ROBO1: variants seen among roughly 807,000 people sequenced by gnomAD.
The protein encoded by ROBO1 is roundabout homolog 1.
Under a neutral mutation model 195.9 loss-of-function variants are expected in ROBO1, and 149 were observed. That is an observed-to-expected ratio of 0.76 (90% CI 0.67 to 0.87). The LOEUF is 0.87. ROBO1 is among the 40% of genes least tolerant of loss of function. The pLI is 0.00. For missense variants in ROBO1, 1,933 were observed against 2,068.3 expected (o/e 0.93, Z 1.27); for synonymous variants, 816 against 733.2 (o/e 1.11, Z -1.82).
At chr3:78,936,284 G>A (rs2039803091) in intron 4 of ROBO1, among the ~76,000 whole-genome samples, 1 of 151,850 alleles carries the variant, frequency 6.6e-6, no homozygotes. Context: ...GTAAAACTTG[G>A]TTTAAAGGCA....
chr3:78,786,286 T>C (rs2083831956), intron 4 of ROBO1, among the ~76,000 whole-genome samples: 2 of 152,166 alleles, frequency 1.3e-5, no homozygotes, highest in African/African-American at 4.8e-5. Context: ...CCAAGTTTAA[T>C]ATGAGCAATA....
At chr3:78,817,508 T>C (rs1157674391) in intron 4 of ROBO1, among the ~76,000 whole-genome samples, 1 of 152,154 alleles carries the variant, frequency 6.6e-6, no homozygotes, top group African/African-American at 2.4e-5. Context: ...CTCTGAGGTA[T>C]ACCTCTATGT....
intron 2 of ROBO1, among the ~76,000 whole-genome samples, chr3:79,572,882 C>G (rs12714482): frequency 0.13 from 19,057 of 152,000 alleles, 1,366 homozygotes; most frequent in African/African-American, 0.18. Context: ...CATGTCTTAC[C>G]TAACCTACAA....
At chr3:79,436,936 G>C (rs987627053) in intron 2 of ROBO1, among the ~76,000 whole-genome samples, 1 of 151,864 alleles carries the variant, frequency 6.6e-6, no homozygotes, top group African/African-American at 2.4e-5. Context: ...TGCATATATA[G>C]GATTCATCTC....
intron 5 of ROBO1, among the ~76,000 whole-genome samples, chr3:78,729,274 C>G (rs1174784068): frequency 1.3e-5 from 2 of 151,820 alleles, no homozygotes; most frequent in African/African-American, 4.9e-5. Flanking sequence ...TGGGAGCCAC[C>G]CTGCAGACAG....
intron 2 of ROBO1, among the ~76,000 whole-genome samples, chr3:79,155,011 A>G (rs1220345647): frequency 6.6e-6 from 1 of 151,792 alleles, no homozygotes; most frequent in Non-Finnish European, 1.5e-5. Flanking sequence ...ATGAAAATAG[A>G]CTTAACTACA....
intron 2 of ROBO1, among the ~76,000 whole-genome samples, chr3:79,476,712 T>G (rs1036208482): frequency 6.6e-6 from 1 of 151,976 alleles, no homozygotes; most frequent in East Asian, 1.9e-4. Flanking sequence ...AGCTAAGTTA[T>G]GAGGATGCAA....
chr3:78,830,278 C>G (rs908415875), intron 4 of ROBO1, among the ~76,000 whole-genome samples: 1 of 152,156 alleles, frequency 6.6e-6, no homozygotes, highest in Admixed American at 6.5e-5. Flanking sequence ...AGAATATTCT[C>G]TCCTGATGTT....
intron 2 of ROBO1, among the ~76,000 whole-genome samples, chr3:79,238,984 A>T (rs1361056622): frequency 3.3e-5 from 5 of 152,174 alleles, no homozygotes; most frequent in Non-Finnish European, 7.3e-5. Context: ...AGTTCATGTC[A>T]CTTGCCTTAA....
intron 8 of ROBO1, among the ~76,000 whole-genome samples, chr3:78,704,190 T>C (rs996739710): frequency 6.6e-6 from 1 of 152,188 alleles, no homozygotes; most frequent in Non-Finnish European, 1.5e-5. Context: ...AATGCACTAT[T>C]ATATTGCCAG....
At chr3:79,535,273 C>T (rs1367468386) in intron 2 of ROBO1, among the ~76,000 whole-genome samples, 1 of 152,028 alleles carries the variant, frequency 6.6e-6, no homozygotes, top group East Asian at 1.9e-4. Flanking sequence ...TTTTATAAGT[C>T]CAAAAAGACA....
intron 2 of ROBO1, among the ~76,000 whole-genome samples, chr3:79,420,526 C>A (rs2038181404): frequency 6.6e-6 from 1 of 152,126 alleles, no homozygotes; most frequent in South Asian, 2.1e-4. Context: ...GTAATGTTTG[C>A]AAAGATGACT....
intron 2 of ROBO1, among the ~76,000 whole-genome samples, chr3:79,296,852 T>A (rs1430733907): frequency 6.6e-6 from 1 of 152,164 alleles, no homozygotes; most frequent in Non-Finnish European, 1.5e-5. Flanking sequence ...CCATCTTTTG[T>A]AGATACTCCA....
chr3:79,500,736 G>A (rs546701469), intron 2 of ROBO1, among the ~76,000 whole-genome samples: 1 of 152,256 alleles, frequency 6.6e-6, no homozygotes, highest in African/African-American at 2.4e-5. Context: ...GAAGCTCTGG[G>A]TGCTTTCCAT....
chr3:78,923,482 T>C (rs2039053075), intron 4 of ROBO1, among the ~76,000 whole-genome samples: 1 of 152,156 alleles, frequency 6.6e-6, no homozygotes, highest in African/African-American at 2.4e-5. Context: ...ACCAGACAGA[T>C]TCCAGAGACT....
At chr3:78,986,149 A>G (rs545691484) in intron 3 of ROBO1, among the ~76,000 whole-genome samples, 3 of 152,266 alleles carry the variant, frequency 2.0e-5, no homozygotes, top group Non-Finnish European at 2.9e-5. Context: ...ATGAGAACCC[A>G]GATGATACAT....
chr3:79,365,805 G>A (rs369202861), intron 2 of ROBO1, among the ~76,000 whole-genome samples: 1 of 151,308 alleles, frequency 6.6e-6, no homozygotes. Flanking sequence ...GCTGAGGCAG[G>A]AGAATGGCGT....
chr3:79,051,838 C>T lies in ROBO1; in HGVS notation c.172+73618G>A, dbSNP rs576171849. On this transcript the variant is annotated intron_variant, in intron 3 of 30. Coordinates refer to ENST00000464233, the MANE Select transcript of ROBO1 (RefSeq NM_002941.4). ...ATAAATTGTGAAGATTTCATGGACACTGATCACTTCCCCAATCAATACTCT... is the reference window on the plus strand; with the variant it reads ...ATAAATTGTGAAGATTTCATGGACATTGATCACTTCCCCAATCAATACTCT... Among the ~76,000 whole-genome samples, 7 of 152,258 alleles carry T rather than the reference C, an allele frequency of 4.6e-5. No individual in the cohort carries two copies. In the East Asian group the frequency reaches 1.4e-3, roughly 30 times the overall value.
At chr3:79,378,016 G>T (rs75195818) in intron 2 of ROBO1, among the ~76,000 whole-genome samples, 5,947 of 151,828 alleles carry the variant, frequency 0.039, 280 homozygotes, top group African/African-American at 0.11. Flanking sequence ...TCAACACCCT[G>T]CCAACCTCTG....
Sources: gnomAD v4.1 joint callset for allele counts (sites outside exome capture counted in the v4.1 genomes callset) on GRCh38, gnomAD v4.1.1 for gene constraint, MANE v1.5 for transcripts, NCBI Gene and HGNC (gene_info 2026-07-23, HGNC 2026-07-21) for gene names.